The following DYSF variants were observed in gnomAD, a reference collection of about 807,000 sequenced individuals.
DYSF encodes dystrophy-associated fer-1-like 1.
A neutral mutation model predicts 274.9 loss-of-function variants in DYSF; 212 were observed. The observed-to-expected ratio is 0.77, with a 90% confidence interval of 0.69 to 0.86. DYSF has a LOEUF of 0.86. Among genes scored for constraint, DYSF ranks in the 40% least tolerant of loss-of-function variants. The pLI, the probability that DYSF is intolerant of heterozygous loss-of-function variation, is 0.00. For missense variants in DYSF, 2,666 were observed against 2,783.2 expected (o/e 0.96, Z 0.95); for synonymous variants, 1,091 against 1,078.7 (o/e 1.01, Z -0.22).
chr2:71,593,021 A>T (rs926668280), intron 32 of DYSF, among the ~76,000 whole-genome samples: 1 of 151,944 alleles, frequency 6.6e-6, no homozygotes, highest in Non-Finnish European at 1.5e-5. Context: ...TCTCTGGACC[A>T]GTGGAAGGGC....
chr2:71,616,746 A>T (rs1393780173), intron 40 of DYSF, among the ~76,000 whole-genome samples: 1 of 152,200 alleles, frequency 6.6e-6, no homozygotes, highest in East Asian at 1.9e-4. Flanking sequence ...TAGAAAAATA[A>T]TGAAAAAATA....
At chr2:71,495,151 C>G (rs2084248783) in intron 3 of DYSF, among the ~76,000 whole-genome samples, 2 of 152,300 alleles carry the variant, frequency 1.3e-5, no homozygotes, top group South Asian at 4.1e-4. Flanking sequence ...TTATTTCCTC[C>G]AAGCTCCAAC....
At chr2:71,640,887 T>C (rs2094475383) in intron 41 of DYSF, among the ~76,000 whole-genome samples, 3 of 152,194 alleles carry the variant, frequency 2.0e-5, no homozygotes, top group Non-Finnish European at 4.4e-5. Flanking sequence ...CCCAAAGAAA[T>C]GATCTTGGCC....
intron 3 of DYSF, among the ~76,000 whole-genome samples, chr2:71,496,461 C>T (rs1302616656): frequency 6.6e-6 from 1 of 152,088 alleles, no homozygotes; most frequent in African/African-American, 2.4e-5. Context: ...ATGGGCGAGG[C>T]AGGGTAAACA....
rs191991220 is a variant in DYSF, at chr2:71,641,859, G to A, written c.4528-2106G>A. On this transcript the variant is annotated intron_variant, in intron 41 of 55. Coordinates refer to ENST00000410020, the MANE Select transcript of DYSF (RefSeq NM_001130987.2). The stretch of plus-strand genomic sequence containing the variant: ...TTATTGCAGTATGGTCAGAAAATGT[G>A]ACTGATAGTGGTTTTATTTCTGGGA... 1.8e-3 allele frequency among the ~76,000 whole-genome samples: 277 copies of A among 152,262 alleles called. 4 individuals are homozygous for A. The highest frequency in any genetic ancestry group is 3.5e-4 in the Non-Finnish European group (24 of 68,022).
intron 12 of DYSF, among the ~76,000 whole-genome samples, chr2:71,523,969 A>G (rs945207966): frequency 6.6e-6 from 1 of 152,060 alleles, no homozygotes; most frequent in African/African-American, 2.4e-5. Context: ...GGCCCTTGAC[A>G]TTTGCCCTCA....
intron 40 of DYSF, among the ~76,000 whole-genome samples, chr2:71,618,231 G>A (rs111214704): frequency 2.9e-5 from 2 of 67,832 alleles, no homozygotes; most frequent in African/African-American, 1.1e-4. Context: ...GTAGAGGTGG[G>A]GTGTGTGTGT....
In DYSF at chr2:71,656,285, T is replaced by A. The variant is rs546455805; in HGVS notation, c.4750T>A (p.Phe1584Ile). ...ETEDPSVIGE[F>I]KGLFKIYPLP... is the part of the protein sequence containing the mutation. ...AGAAGATCCATCTGTGATTGGTGAA[T>A]TTAAGGTAAATCCTCGAAGACGTCC... Residue 1584 changes from phenylalanine to isoleucine, a missense_variant, in exon 43 of 56, where the codon TTT (phenylalanine) becomes ATT (isoleucine). By Grantham distance (21) the Phe-to-Ile change is conservative. Transcript: ENST00000410020. 8 of 1,614,116 alleles carry A rather than the reference T, an allele frequency of 5.0e-6. No homozygotes were observed. Among genetic ancestry groups the A allele is most frequent in the Non-Finnish European group, 6.8e-6 (8 of 1,180,026 alleles).
chr2:71,584,355 TC>T (rs1386753994), intron 30 of DYSF, among the ~76,000 whole-genome samples: 1 of 152,094 alleles, frequency 6.6e-6, no homozygotes, highest in Non-Finnish European at 1.5e-5. Context: ...GCTGCCGCTC[TC>T]CCAGTTCCAG....
Position 71,540,795 on chromosome 2 carries a change from T to C in DYSF, c.1576+1556T>C, listed in dbSNP as rs2089860673. Among the ~76,000 whole-genome samples, 3 of 152,058 alleles carry C rather than the reference T, an allele frequency of 2.0e-5. No homozygotes were observed. In the South Asian group the frequency reaches 6.2e-4, roughly 31 times the overall value. On this transcript the variant is annotated intron_variant, in intron 17 of 55. Transcript: ENST00000410020. ...CCTTTGTAGGAGTTCTGTATATATA[T>C]GGATATTAACTTTTCCCCTGTCATT...
intron 36 of DYSF, among the ~76,000 whole-genome samples, chr2:71,608,501 C>G (rs2093686043): frequency 6.6e-6 from 1 of 152,140 alleles, no homozygotes. Flanking sequence ...GCTGAGGAAG[C>G]TGCCTGGACA....
At chr2:71,528,515 C>G in intron 14 of DYSF, 114 bp downstream of exon 14, 1 of 881,492 alleles carries the variant, frequency 1.1e-6, no homozygotes, top group South Asian at 1.4e-5. Flanking sequence ...GGTGTGTGCA[C>G]AAGGAGTGGC....
At chr2:71,653,615 T>C (rs1212991861) in intron 42 of DYSF, among the ~76,000 whole-genome samples, 1 of 130,302 alleles carries the variant, frequency 7.7e-6, no homozygotes, top group Non-Finnish European at 1.5e-5. Flanking sequence ...AACAATGAGA[T>C]CACATGGACA....
chr2:71,663,349 C>A (rs888387149), intron 45 of DYSF, among the ~76,000 whole-genome samples: 4 of 152,234 alleles, frequency 2.6e-5, no homozygotes, highest in Non-Finnish European at 5.9e-5. Context: ...CTGTCCCCAG[C>A]CCCTGGTTCT....
intron 42 of DYSF, among the ~76,000 whole-genome samples, chr2:71,649,593 G>C (rs989628606): frequency 6.6e-6 from 1 of 151,930 alleles, no homozygotes. Context: ...ATAAATACTA[G>C]AACAGAAGCT....
intron 32 of DYSF, among the ~76,000 whole-genome samples, chr2:71,593,187 C>T (rs2093319625): frequency 7.7e-6 from 1 of 130,220 alleles, no homozygotes; most frequent in Admixed American, 9.3e-5. Context: ...GGCTGGAGTG[C>T]AATGGCGCTA....
intron 52 of DYSF, among the ~76,000 whole-genome samples, chr2:71,676,684 A>T (rs1046819639): frequency 2.0e-5 from 3 of 152,182 alleles, no homozygotes; most frequent in African/African-American, 7.2e-5. Context: ...GTTCAAAGTA[A>T]AGTTAAACAG....
chr2:71,550,901 T>C, intron 17 of DYSF, 140 bp from the exon 18 acceptor site: 4 of 719,618 alleles, frequency 5.6e-6, no homozygotes, highest in Non-Finnish European at 1.0e-5. Context: ...CGTTCTTCTT[T>C]ATACACTGAC....
intron 33 of DYSF, 51 bp downstream of exon 33, chr2:71,598,796 C>T (rs2093469429): frequency 6.3e-7 from 1 of 1,598,258 alleles, no homozygotes; most frequent in Non-Finnish European, 8.5e-7. Flanking sequence ...GGACCATGTG[C>T]AAAGGTGGGG....
Sources: allele counts gnomAD v4.1 joint callset (sites outside exome capture counted in the v4.1 genomes callset), GRCh38; gene constraint gnomAD v4.1.1; transcripts MANE v1.5; gene names NCBI Gene and HGNC (gene_info 2026-07-23, HGNC 2026-07-21).